The following WDR59 variants were observed in gnomAD, a reference collection of about 807,000 sequenced individuals.
The protein encoded by WDR59 is GATOR2 complex protein WDR59.
WDR59 carries 100 observed loss-of-function variants against 131.2 expected under a neutral mutation model. The ratio of observed to expected loss-of-function variants is 0.76; its 90% CI spans 0.65 to 0.90. WDR59 has a LOEUF of 0.90. Among genes scored for constraint, WDR59 ranks in the 40% least tolerant of loss-of-function variants. The pLI, the probability that WDR59 is intolerant of heterozygous loss-of-function variation, is 0.00. For synonymous variants in WDR59, 601 were observed against 466.2 expected, an observed-to-expected ratio of 1.29 and a Z score of -3.72; for missense variants, 1,203 against 1,262.2, an observed-to-expected ratio of 0.95 and a Z score of 0.71.
At chr16:74,904,149 T>C (rs200241737) in intron 17 of WDR59, 49 bp from the exon 18 acceptor site, 5 of 1,582,140 alleles carry the variant, frequency 3.2e-6, no homozygotes, top group Non-Finnish European at 4.3e-6. Flanking sequence ...TCCTGTCATA[T>C]TTCCAAGTGG....
At chr16:74,982,756 C>T (rs928601608) in intron 1 of WDR59, among the ~76,000 whole-genome samples, 2 of 152,152 alleles carry the variant, frequency 1.3e-5, no homozygotes, top group African/African-American at 4.8e-5. Context: ...CTTGGGGGTC[C>T]TTAATCCAAA....
At chr16:74,955,813 G>T (rs563133843) in intron 3 of WDR59, among the ~76,000 whole-genome samples, 2 of 152,190 alleles carry the variant, frequency 1.3e-5, no homozygotes, top group East Asian at 3.9e-4. Flanking sequence ...AGAGCAAAAA[G>T]TTTAGATCTC....
chr16:74,904,113 A>C lies in WDR59; in HGVS notation c.1713-13T>G. The C allele has an allele frequency of 6.2e-7, 1 of 1,609,460 alleles. No homozygotes were observed. Among genetic ancestry groups the C allele is most frequent in the East Asian group, 2.2e-5 (1 of 44,854 alleles). ...GGCTGAGAGAGATCTGTAGTTGAAA[A>C]TGATAATTATCCACACTGGCTGCAG... On this transcript the variant is annotated splice_polypyrimidine_tract_variant and intron_variant, in intron 17 of 25. Coordinates refer to ENST00000262144, the MANE Select transcript of WDR59 (RefSeq NM_030581.4).
chr16:74,898,805 G>A (rs937471713), intron 18 of WDR59, among the ~76,000 whole-genome samples: 1 of 152,338 alleles, frequency 6.6e-6, no homozygotes, highest in South Asian at 2.1e-4. Context: ...AGTGGGAGCA[G>A]GGACTTTTGG....
chr16:74,981,641 TATATATATATATATATA>T (rs1290622488), intron 1 of WDR59, among the ~76,000 whole-genome samples: 2,084 of 50,134 alleles, frequency 0.042, 306 homozygotes, highest in East Asian at 0.27. Flanking sequence ...TATATATATA[TATATATATATATATATA>T]TATTTTTTTT....
At chr16:74,944,570 A>G (rs2032472635) in intron 6 of WDR59, among the ~76,000 whole-genome samples, 1 of 151,862 alleles carries the variant, frequency 6.6e-6, no homozygotes, top group Admixed American at 6.6e-5. Flanking sequence ...GTGACTCCCT[A>G]TCCCAAAGGG....
intron 6 of WDR59, among the ~76,000 whole-genome samples, chr16:74,943,885 AT>A (rs1406402241): frequency 1.3e-5 from 2 of 152,152 alleles, no homozygotes; most frequent in Non-Finnish European, 2.9e-5. Context: ...TGATGACACT[AT>A]TTGTCTGTCT....
At chr16:74,878,382 C>T (rs1057501725) in intron 25 of WDR59, among the ~76,000 whole-genome samples, 5 of 152,144 alleles carry the variant, frequency 3.3e-5, no homozygotes, top group African/African-American at 1.2e-4. Flanking sequence ...GGCCGGGTGC[C>T]GTGGCTCTCG....
intron 17 of WDR59, among the ~76,000 whole-genome samples, chr16:74,908,050 G>A (rs949123608): frequency 9.9e-5 from 15 of 152,166 alleles, no homozygotes; most frequent in African/African-American, 3.4e-4. Context: ...TGACTAGACA[G>A]AAACATGTTC....
chr16:74,975,303 G>T (rs918764540), intron 1 of WDR59, among the ~76,000 whole-genome samples: 1 of 152,076 alleles, frequency 6.6e-6, no homozygotes, highest in Non-Finnish European at 1.5e-5. Context: ...GGAGAATGCA[G>T]TGAGCCTATA....
At chr16:74,940,812 T>A (rs1465077837) in intron 7 of WDR59, among the ~76,000 whole-genome samples, 1 of 152,060 alleles carries the variant, frequency 6.6e-6, no homozygotes, top group African/African-American at 2.4e-5. Flanking sequence ...TTCAAGCGAT[T>A]CTCCTGCCTC....
chr16:74,919,299 T>C (rs2029918937), intron 10 of WDR59, among the ~76,000 whole-genome samples: 1 of 151,812 alleles, frequency 6.6e-6, no homozygotes, highest in Non-Finnish European at 1.5e-5. Context: ...CTGGCTTCTC[T>C]CCTCAATTTG....
chr16:74,887,700 G>A lies in WDR59; in HGVS notation c.2402C>T (p.Thr801Ile), dbSNP rs550723863. 1 of 1,614,154 alleles carries A rather than the reference G, an allele frequency of 6.2e-7. No individual in the cohort carries two copies. The highest frequency in any genetic ancestry group is 1.7e-5 in the Admixed American group (1 of 60,022). The part of the protein sequence containing the change: ...CSSMSDPGLN[T>I]GGWNIAGREA... ...ATACAAACCTATGTTCCAGCCGCCA[G>A]TGTTGAGCCCTGGGTCTGACATACT... is the stretch of plus-strand genomic sequence containing the variant. The change falls in exon 23 of 26, where the codon ACT becomes ATT. Residue 801 changes from threonine (T) to isoleucine (I), a missense_variant. By Grantham distance (89) the Thr-to-Ile change is moderately conservative. Transcript: ENST00000262144.
intron 2 of WDR59, among the ~76,000 whole-genome samples, chr16:74,964,460 A>C (rs866848179): frequency 6.6e-6 from 1 of 152,126 alleles, no homozygotes; most frequent in African/African-American, 2.4e-5. Context: ...ATGACACACA[A>C]AAAAATGATA....
rs2031955278 is a variant in WDR59 at position 74,938,223 on chromosome 16, T to G, written c.578A>C (p.Lys193Thr). 1 of 1,565,944 alleles carries G rather than the reference T, an allele frequency of 6.4e-7. No individual in the cohort carries two copies. The highest frequency in any genetic ancestry group is 1.9e-5 in the Admixed American group (1 of 53,606). Residue 193 changes from lysine to threonine, a missense_variant, in exon 8 of 26, where the codon AAA (lysine) becomes ACA (threonine). By Grantham distance (78) the Lys-to-Thr change is moderately conservative (BLOSUM62 -1). Coordinates refer to ENST00000262144, the MANE Select transcript of WDR59 (RefSeq NM_030581.4). Reference protein sequence around the residue: ...AVEYLAAHLSKIHGLDWHPDS... With the variant: ...AVEYLAAHLSTIHGLDWHPDS... ...TGGGTGCCAGTCCAGGCCATGGATT[T>G]TGGAGAGGTGGGCGGCTAGATATTC...
intron 1 of WDR59, among the ~76,000 whole-genome samples, chr16:74,975,434 G>A (rs761210853): frequency 6.6e-6 from 1 of 151,064 alleles, no homozygotes; most frequent in Non-Finnish European, 1.5e-5. Context: ...AGGCCAAGAC[G>A]GGTGGATCAC....
At chr16:74,881,363 A>ATT (rs1200369770) in intron 25 of WDR59, among the ~76,000 whole-genome samples, 1 of 145,684 alleles carries the variant, frequency 6.9e-6, no homozygotes, top group Non-Finnish European at 1.5e-5. Flanking sequence ...TTTTTCTTTA[A>ATT]TTTTTTTTTT....
intron 23 of WDR59, among the ~76,000 whole-genome samples, chr16:74,887,141 G>C (rs900057800): frequency 6.6e-6 from 1 of 152,150 alleles, no homozygotes; most frequent in South Asian, 2.1e-4. Flanking sequence ...CTAGGTGGGA[G>C]ATCAATAATT....
chr16:74,922,382 T>C (rs1169661882), intron 9 of WDR59, among the ~76,000 whole-genome samples: 1 of 152,208 alleles, frequency 6.6e-6, no homozygotes, highest in Admixed American at 6.5e-5. Context: ...CTGATTGCTA[T>C]GCAATGAAAC....
Sources: allele counts gnomAD v4.1 joint callset (sites outside exome capture counted in the v4.1 genomes callset), GRCh38; gene constraint gnomAD v4.1.1; transcripts MANE v1.5; gene names NCBI Gene and HGNC (gene_info 2026-07-23, HGNC 2026-07-21).